Variants in MYCBP observed in about 807,000 individuals in gnomAD.
MYCBP encodes MYC binding protein, also known as C-Myc-binding protein.
Under a neutral mutation model 16.8 loss-of-function variants are expected in MYCBP, and 5 were observed. The ratio of observed to expected loss-of-function variants is 0.30; its 90% CI spans 0.16 to 0.63. The LOEUF (loss-of-function observed/expected upper bound fraction) is 0.63. Ranked by LOEUF, MYCBP falls within the 20% of genes least tolerant of loss-of-function variation. The pLI is 0.83. For missense variants in MYCBP, 103 were observed against 121.8 expected (o/e 0.85, Z 0.73); for synonymous variants, 35 against 43.7 (o/e 0.80, Z 0.79).
rs534931739 is a variant in MYCBP at position 38,866,541 on chromosome 1, C to T, written c.267+339G>A. Reference sequence around the variant, plus strand: ...AAGCGATTCTCCTGCCTCAGCCTCCCGAGTAGCTGGGATTATGGGCACATG... The same window carrying T: ...AAGCGATTCTCCTGCCTCAGCCTCCTGAGTAGCTGGGATTATGGGCACATG... On this transcript the variant is annotated intron_variant, in intron 4 of 4. Coordinates refer to ENST00000397572, the MANE Select transcript of MYCBP (RefSeq NM_012333.5). 1.8e-4 allele frequency among the ~76,000 whole-genome samples: 27 copies of T among 152,152 alleles called. No homozygotes were observed. In the Middle Eastern group the frequency reaches 0.014, roughly 77 times the overall value.
rs1642294534 is a variant in MYCBP, at chr1:38,864,336, A to C, written c.*334T>G. On this transcript the variant is annotated 3_prime_UTR_variant, in exon 5 of 5. Coordinates refer to ENST00000397572, the MANE Select transcript of MYCBP (RefSeq NM_012333.5). ...TGTGTTCATATCCTGAACTGCACCAAGGAATAGCTCCATGCTAAACTGTCT... is the reference window on the plus strand; with the variant it reads ...TGTGTTCATATCCTGAACTGCACCACGGAATAGCTCCATGCTAAACTGTCT... The C allele has an allele frequency of 2.9e-6, 1 of 340,078 alleles. No homozygotes were observed. The highest frequency in any genetic ancestry group is 2.8e-5 in the South Asian group (1 of 35,462). The allele number at this position is 340,078 out of a possible 1,614,324, so 21.1% of individuals were successfully genotyped here. A position where few individuals can be genotyped will look rare whatever the true frequency, so the allele number is the denominator to read the frequency against.
intron 2 of MYCBP, among the ~76,000 whole-genome samples, 160 bp from the exon 3 acceptor site, chr1:38,867,770 A>G (rs562132866): frequency 6.6e-6 from 1 of 152,348 alleles, no homozygotes; most frequent in East Asian, 1.9e-4. Context: ...CCTGTTCTCA[A>G]CAAATTTACA....
intron 4 of MYCBP, among the ~76,000 whole-genome samples, chr1:38,866,065 T>TTTTTTTC: frequency 6.8e-6 from 1 of 146,102 alleles, no homozygotes; most frequent in Non-Finnish European, 1.5e-5. Flanking sequence ...TTTTTTTTTT[T>TTTTTTTC]GAGACAGAGT....
At chr1:38,864,778 A>G in intron 4 of MYCBP, 64 bp from the exon 5 acceptor site, 1 of 1,468,910 alleles carries the variant, frequency 6.8e-7, no homozygotes, top group Non-Finnish European at 9.5e-7. Context: ...AAATAGTAAA[A>G]CAAGGTAACT....
chr1:38,864,129 G>GCACA lies in MYCBP; in HGVS notation c.*537_*540dup, dbSNP rs958282524. On this transcript the variant is annotated 3_prime_UTR_variant, in exon 5 of 5. Transcript: ENST00000397572. ...AAATGTGGTGTCAGAGTTCAAACTG[G>GCACA]CACACACACACACAGTTATCTAAGG... is the stretch of plus-strand genomic sequence containing the variant. 1 of 153,366 alleles carries GCACA rather than the reference G, an allele frequency of 6.5e-6. No homozygotes were observed. Among genetic ancestry groups the GCACA allele is most frequent in the Non-Finnish European group, 1.5e-5 (1 of 68,738 alleles). 9.5% of individuals were successfully genotyped at this position (153,366 alleles called of 1,614,324 possible). A position where few individuals can be genotyped will look rare whatever the true frequency, so the allele number is the denominator to read the frequency against.
chr1:38,872,315 T>C (rs543762330), intron 2 of MYCBP, among the ~76,000 whole-genome samples: 1 of 152,344 alleles, frequency 6.6e-6, no homozygotes, highest in Non-Finnish European at 1.5e-5. Flanking sequence ...AACTGTACCC[T>C]ACCCCTTGAA....
intron 1 of MYCBP, 74 bp downstream of exon 1, chr1:38,873,217 C>T: frequency 1.9e-6 from 3 of 1,579,838 alleles, no homozygotes; most frequent in Non-Finnish European, 2.6e-6. Flanking sequence ...GCGCGCGCGA[C>T]CCCACTCCCA....
chr1:38,870,592 G>A (rs2124262941), intron 2 of MYCBP, among the ~76,000 whole-genome samples: 1 of 150,586 alleles, frequency 6.6e-6, no homozygotes. Flanking sequence ...AGGAGATCGA[G>A]ACCATCCTGG....
Position 38,867,433 on chromosome 1 carries a change from C to G in MYCBP, c.137+129G>C. The G allele has an allele frequency of 2.6e-6, 2 of 783,108 alleles. 1 individual carries two copies. Among genetic ancestry groups the G allele is most frequent in the Admixed American group, 6.4e-5 (2 of 31,128 alleles). The allele number at this position is 783,108 out of a possible 1,614,324, so 48.5% of individuals were successfully genotyped here. ...CTGCATTCCCCACCAGGTGACAGTA[C>G]AAGACTCCGTCTCAAAAAAAAAAAA... On this transcript the variant is annotated intron_variant, in intron 3 of 4. Transcript: ENST00000397572.
intron 2 of MYCBP, among the ~76,000 whole-genome samples, chr1:38,872,765 G>C (rs528713679): frequency 6.6e-6 from 1 of 152,358 alleles, no homozygotes. Context: ...GCAAAGCAAC[G>C]GAAGTTGAAG....
chr1:38,873,294 G>A lies in MYCBP; in HGVS notation c.12C>T (p.Tyr4=). MAH[Y]KAADSKREQF... The stretch of plus-strand genomic sequence containing the variant: ...AGCCACGCCGCGCCCCCCTCACTTT[G>A]TAATGGGCCATAGTGACAGCGGCAG... The change falls in exon 1 of 5, where the codon TAC becomes TAT. Residue 4 remains tyrosine (Y), a synonymous_variant. Transcript: ENST00000397572. 6.2e-7 allele frequency: 1 copy of A among 1,603,292 alleles called. No homozygotes were observed. The highest frequency in any genetic ancestry group is 8.5e-7 in the Non-Finnish European group (1 of 1,178,960).
chr1:38,867,063 A>C, intron 3 of MYCBP, 54 bp from the exon 4 acceptor site: 1 of 1,499,640 alleles, frequency 6.7e-7, no homozygotes, highest in Non-Finnish European at 9.2e-7. Context: ...CTAATGAAAT[A>C]GCACAGAGTA....
At chr1:38,868,664 G>A (rs1178533460) in intron 2 of MYCBP, among the ~76,000 whole-genome samples, 1 of 152,166 alleles carries the variant, frequency 6.6e-6, no homozygotes, top group East Asian at 1.9e-4. Context: ...CCAGCACTTT[G>A]GGAGGCCAAG....
intron 4 of MYCBP, among the ~76,000 whole-genome samples, chr1:38,866,596 T>C (rs1368913329): frequency 2.0e-5 from 3 of 151,690 alleles, no homozygotes; most frequent in Admixed American, 6.6e-5. Flanking sequence ...TTTGTATTCT[T>C]AGTAGAGACA....
In MYCBP at chr1:38,864,715, C is replaced by T; in HGVS notation, c.268-1G>A. On this transcript the variant is annotated splice_acceptor_variant, in intron 4 of 4. Transcript: ENST00000397572. LOFTEE classifies it high-confidence loss of function. ...CCTGAGGTGGTTCATACTGAGCAAGCTATGGGGCAAAGACAGAGGAATTTA... is the reference window on the plus strand; with the variant it reads ...CCTGAGGTGGTTCATACTGAGCAAGTTATGGGGCAAAGACAGAGGAATTTA... 1 of 1,613,710 alleles carries T rather than the reference C, an allele frequency of 6.2e-7. No homozygotes were observed. Among genetic ancestry groups the T allele is most frequent in the Non-Finnish European group, 8.5e-7 (1 of 1,179,748 alleles).
intron 3 of MYCBP, 147 bp downstream of exon 3, chr1:38,867,415 C>G (rs1642364491): frequency 1.4e-6 from 1 of 690,160 alleles, no homozygotes; most frequent in Non-Finnish European, 2.4e-6. Context: ...CCACTGCATT[C>G]CCCACCAGGT....
At chr1:38,867,475 C>A in intron 3 of MYCBP, 87 bp downstream of exon 3, 18 of 984,772 alleles carry the variant, frequency 1.8e-5, no homozygotes, top group East Asian at 2.7e-5. Context: ...GTAACTTTCT[C>A]AATATTCAGA....
intron 4 of MYCBP, among the ~76,000 whole-genome samples, chr1:38,865,348 T>G (rs1434383689): frequency 6.6e-6 from 1 of 152,250 alleles, no homozygotes; most frequent in African/African-American, 2.4e-5. Flanking sequence ...CTTGTGTACT[T>G]GTTTCACTTA....
At position 38,863,092 on chromosome 1, in the gene MYCBP, T is replaced by C. The variant is rs1241237761; in HGVS notation, c.*1578A>G. On this transcript the variant is annotated 3_prime_UTR_variant, in exon 5 of 5. Transcript: ENST00000397572. ...CCTCTTTATCACACCCAGCACTTAG[T>C]CCACTGCTGCCCATGTAGGAGGCAC... 1 of 152,150 alleles carries C rather than the reference T, an allele frequency of 6.6e-6. No individual in the cohort carries two copies. Among genetic ancestry groups the C allele is most frequent in the Non-Finnish European group, 1.5e-5 (1 of 68,028 alleles). 9.4% of individuals were successfully genotyped at this position (152,150 alleles called of 1,614,324 possible).
Sources: gnomAD v4.1 joint callset for allele counts (sites outside exome capture counted in the v4.1 genomes callset) on GRCh38, gnomAD v4.1.1 for gene constraint, MANE v1.5 for transcripts, NCBI Gene and HGNC (gene_info 2026-07-23, HGNC 2026-07-21) for gene names.